The following ENTREP2 variants were observed in gnomAD, a reference collection of about 807,000 sequenced individuals.
ENTREP2 encodes the protein endosomal transmembrane epsin interactor 2.
At chr15:29,538,283 G>A in the ENTREP2 span, among the ~76,000 whole-genome samples, 2 of 152,138 alleles carry the variant, frequency 1.3e-5, no homozygotes, top group Non-Finnish European at 2.9e-5. Context: ...GGCAGCTACA[G>A]GCCTGGAGGA....
At chr15:29,494,095 G>A in the ENTREP2 span, among the ~76,000 whole-genome samples, 1 of 151,850 alleles carries the variant, frequency 6.6e-6, no homozygotes, top group Non-Finnish European at 1.5e-5. Flanking sequence ...AAGTAACAAG[G>A]ATCGAAAAGA....
At chr15:29,299,741 G>C in the ENTREP2 span, among the ~76,000 whole-genome samples, 1 of 152,084 alleles carries the variant, frequency 6.6e-6, no homozygotes, top group Non-Finnish European at 1.5e-5. Flanking sequence ...TCCCTCATGA[G>C]GATGTAAGCT....
the ENTREP2 span, among the ~76,000 whole-genome samples, chr15:29,480,362 A>C: frequency 6.7e-6 from 1 of 148,670 alleles, no homozygotes; most frequent in African/African-American, 2.5e-5. Context: ...AAAAAAAAAA[A>C]AAAACCCACA....
chr15:29,496,741 C>T, the ENTREP2 span, among the ~76,000 whole-genome samples: 27 of 152,238 alleles, frequency 1.8e-4, 1 homozygote, highest in South Asian at 4.6e-3. Context: ...ATTGAACTAT[C>T]TTTGTATCCC....
chr15:29,262,723 T>G, the ENTREP2 span, among the ~76,000 whole-genome samples: 1 of 152,230 alleles, frequency 6.6e-6, no homozygotes, highest in African/African-American at 2.4e-5. Context: ...TGCAAATTAT[T>G]TGAACCCAAA....
the ENTREP2 span, among the ~76,000 whole-genome samples, chr15:29,293,886 A>G: frequency 7.9e-4 from 120 of 152,344 alleles, 1 homozygote; most frequent in African/African-American, 2.8e-3. Flanking sequence ...TGCCCAAGAC[A>G]GTGCCTTCAT....
the ENTREP2 span, among the ~76,000 whole-genome samples, chr15:29,366,129 A>G: frequency 6.6e-6 from 1 of 152,296 alleles, no homozygotes; most frequent in South Asian, 2.1e-4. Context: ...TCTGGAGTGC[A>G]GTAGCATGAT....
At chr15:29,486,778 T>G in the ENTREP2 span, among the ~76,000 whole-genome samples, 1 of 152,124 alleles carries the variant, frequency 6.6e-6, no homozygotes, top group South Asian at 2.1e-4. Flanking sequence ...GCAAAGTAAG[T>G]CAGGCACTGG....
the ENTREP2 span, among the ~76,000 whole-genome samples, chr15:29,162,536 C>T: frequency 6.6e-6 from 1 of 152,106 alleles, no homozygotes; most frequent in Non-Finnish European, 1.5e-5. Context: ...TGACTGCCAG[C>T]TTTCCACCAC....
At chr15:29,128,917 C>T in the ENTREP2 span, 15 of 1,262,102 alleles carry the variant, frequency 1.2e-5, no homozygotes, top group East Asian at 5.1e-5. Flanking sequence ...GAACGCAGCA[C>T]AGCAGCCTCC....
At chr15:29,176,748 A>C in the ENTREP2 span, among the ~76,000 whole-genome samples, 1 of 152,164 alleles carries the variant, frequency 6.6e-6, no homozygotes, top group African/African-American at 2.4e-5. Flanking sequence ...CCTTCCCTCC[A>C]GGTCGCCAGG....
the ENTREP2 span, among the ~76,000 whole-genome samples, chr15:29,293,478 G>C: frequency 2.0e-5 from 3 of 151,230 alleles, no homozygotes; most frequent in African/African-American, 4.9e-5. Flanking sequence ...GGATGGTCTC[G>C]ATCTCCTGAC....
chr15:29,380,879 C>A, the ENTREP2 span, among the ~76,000 whole-genome samples: 4 of 136,684 alleles, frequency 2.9e-5, no homozygotes, highest in African/African-American at 1.1e-4. Context: ...GATGGATTCT[C>A]TCTCTGCACC....
At chr15:29,528,475 C>T in the ENTREP2 span, among the ~76,000 whole-genome samples, 75 of 152,310 alleles carry the variant, frequency 4.9e-4, no homozygotes, top group Admixed American at 1.2e-3. Context: ...GTGACACATT[C>T]CTGCCTAGCA....
the ENTREP2 span, among the ~76,000 whole-genome samples, chr15:29,410,770 T>C: frequency 4.6e-5 from 7 of 152,180 alleles, no homozygotes; most frequent in Non-Finnish European, 2.9e-5. Context: ...ACAGTCCATT[T>C]CGTTAGACCA....
At chr15:29,299,238 A>G in the ENTREP2 span, among the ~76,000 whole-genome samples, 1 of 152,206 alleles carries the variant, frequency 6.6e-6, no homozygotes, top group Non-Finnish European at 1.5e-5. Flanking sequence ...GGTGTTTAAC[A>G]AACTCCTTCG....
chr15:29,300,107 G>A, the ENTREP2 span, among the ~76,000 whole-genome samples: 1 of 151,204 alleles, frequency 6.6e-6, no homozygotes, highest in Non-Finnish European at 1.5e-5. Context: ...ATGGGTGGGT[G>A]AGTGGATAAA....
At chr15:29,136,940 C>T in the ENTREP2 span, 75,755 of 1,097,118 alleles carry the variant, frequency 0.069, 3,400 homozygotes, top group East Asian at 0.26. Flanking sequence ...TCTGTTCTCA[C>T]CGCCATGCCT....
chr15:29,455,514 C>G, the ENTREP2 span, among the ~76,000 whole-genome samples: 1 of 152,166 alleles, frequency 6.6e-6, no homozygotes, highest in African/African-American at 2.4e-5. Flanking sequence ...TATGCTTTTA[C>G]TTTTTAATCC....
Sources: allele counts gnomAD v4.1 joint callset (sites outside exome capture counted in the v4.1 genomes callset), GRCh38; gene constraint gnomAD v4.1.1; transcripts MANE v1.5; gene names NCBI Gene and HGNC (gene_info 2026-07-23, HGNC 2026-07-21).